LRP6: variants seen among roughly 807,000 people sequenced by gnomAD.
LRP6 encodes the protein LDL receptor related protein 6.
In LRP6, 43 loss-of-function variants were observed where a neutral mutation model predicts 184.1. The observed-to-expected ratio is 0.23, with a 90% CI of 0.18 to 0.30. The LOEUF is 0.30. Among genes scored for constraint, LRP6 ranks in the 10% least tolerant of loss-of-function variants. The probability of loss-of-function intolerance (pLI) is 1.00; values close to 1 mark genes in which losing one functional copy is unlikely to be tolerated. For missense variants in LRP6, 1,571 were observed against 2,005.3 expected (o/e 0.78, Z 4.14); for synonymous variants, 719 against 684.9 (o/e 1.05, Z -0.78).
chr12:12,141,912 T>G (rs774925699), intron 15 of LRP6, among the ~76,000 whole-genome samples: 26 of 152,218 alleles, frequency 1.7e-4, no homozygotes, highest in Non-Finnish European at 3.2e-4. Context: ...TGCAAACTTG[T>G]GCCTCGAATT....
intron 20 of LRP6, among the ~76,000 whole-genome samples, chr12:12,125,670 C>A (rs1020232446): frequency 6.6e-6 from 1 of 152,132 alleles, no homozygotes; most frequent in African/African-American, 2.4e-5. Context: ...TAGCTCCCAC[C>A]TTCTCCCTCC....
chr12:12,205,325 CAAACAAAAAAAA>C (rs1451460472), intron 2 of LRP6, among the ~76,000 whole-genome samples: 120 of 26,240 alleles, frequency 4.6e-3, no homozygotes, highest in African/African-American at 0.01. Flanking sequence ...CTGTCTCAAA[CAAACAAAAAAAA>C]AAAAAAAAAA....
rs772100523 is a variant in LRP6 at position 12,138,524 on chromosome 12, C to A, written c.3408G>T (p.Arg1136=). Residue 1136 remains arginine, a synonymous_variant, in exon 16 of 23, where the codon CGG becomes CGT. Coordinates refer to ENST00000261349, the MANE Select transcript of LRP6 (RefSeq NM_002336.3). ...IESSDLSGAN[R]IVLEDSNILQ... is the part of the protein sequence containing the mutation. ...AGATATTGGAGTCTTCTAATACTAT[C>A]CGGTTAGCACCTTGGAAAAGGAGAA... The A allele has an allele frequency of 3.1e-6, 5 of 1,613,530 alleles. No individual in the cohort carries two copies. Among genetic ancestry groups the A allele is most frequent in the Non-Finnish European group, 2.5e-6 (3 of 1,179,516 alleles).
chr12:12,146,174 C>T (rs1481731385), intron 15 of LRP6, among the ~76,000 whole-genome samples: 2 of 152,116 alleles, frequency 1.3e-5, no homozygotes, highest in African/African-American at 4.8e-5. Flanking sequence ...TCAGCAAATA[C>T]CCTTATACAC....
intron 7 of LRP6, among the ~76,000 whole-genome samples, chr12:12,177,656 A>G (rs1863229089): frequency 6.6e-6 from 1 of 152,226 alleles, no homozygotes; most frequent in South Asian, 2.1e-4. Flanking sequence ...TGTAAATAAA[A>G]TGACAAAGGC....
At chr12:12,147,603 C>T (rs1173934296) in intron 14 of LRP6, 47 bp from the exon 15 acceptor site, 1 of 1,386,908 alleles carries the variant, frequency 7.2e-7, no homozygotes, top group Non-Finnish European at 1.0e-6. Flanking sequence ...TAAGAAACCA[C>T]ATAAAATGAG....
intron 9 of LRP6, among the ~76,000 whole-genome samples, chr12:12,163,172 T>C (rs1862782436): frequency 1.3e-5 from 2 of 151,940 alleles, no homozygotes; most frequent in African/African-American, 4.8e-5. Context: ...GACGGGGTTT[T>C]GTCATGTTGG....
rs1450506697 is a variant in LRP6 at position 12,233,706 on chromosome 12, C to G, written c.449+10556G>C. Among the ~76,000 whole-genome samples, 5 of 152,098 alleles carry G rather than the reference C, an allele frequency of 3.3e-5. No individual in the cohort carries two copies. The South Asian group carries it at 1.0e-3, about 32-fold the overall frequency. ...ACACAGATATCTGAGTATGAACAGA[C>G]TAATTTATAACATTAAAGAATTGTT... is the stretch of plus-strand genomic sequence containing the variant. On this transcript the variant is annotated intron_variant, in intron 2 of 22. Coordinates refer to ENST00000261349, the MANE Select transcript of LRP6 (RefSeq NM_002336.3).
At chr12:12,258,355 G>T (rs1249818405) in intron 1 of LRP6, among the ~76,000 whole-genome samples, 1 of 152,066 alleles carries the variant, frequency 6.6e-6, no homozygotes, top group African/African-American at 2.4e-5. Context: ...TCTCGCCTTG[G>T]CCTCCTAAAG....
intron 8 of LRP6, 121 bp downstream of exon 8, chr12:12,164,958 C>T (rs878904239): frequency 5.5e-4 from 125 of 225,490 alleles, no homozygotes; most frequent in African/African-American, 3.6e-3. Context: ...AAAAAAAAGG[C>T]GGGGGGGCAG....
At chr12:12,171,447 G>A (rs569329058) in intron 7 of LRP6, among the ~76,000 whole-genome samples, 8 of 152,074 alleles carry the variant, frequency 5.3e-5, no homozygotes, top group South Asian at 2.1e-4. Context: ...GCGTGAACCC[G>A]GGAGGTGGAG....
chr12:12,215,935 C>A (rs1864332513), intron 2 of LRP6, among the ~76,000 whole-genome samples: 1 of 151,914 alleles, frequency 6.6e-6, no homozygotes. Context: ...TCACTTGAAC[C>A]CACAAGGCAG....
At chr12:12,148,311 T>A (rs1950037269) in intron 14 of LRP6, among the ~76,000 whole-genome samples, 1 of 152,070 alleles carries the variant, frequency 6.6e-6, no homozygotes, top group Non-Finnish European at 1.5e-5. Flanking sequence ...TTAATCTATT[T>A]AATAACTAAA....
chr12:12,195,864 G>T (rs1292299602), intron 3 of LRP6, among the ~76,000 whole-genome samples: 6 of 152,084 alleles, frequency 3.9e-5, no homozygotes, highest in Non-Finnish European at 7.4e-5. Context: ...GTTGATTTTT[G>T]TATAAGGTGA....
At position 12,132,073 on chromosome 12, in the gene LRP6, G is replaced by A; in HGVS notation, c.3734-16C>T. 1 of 1,556,422 alleles carries A rather than the reference G, an allele frequency of 6.4e-7. No individual in the cohort carries two copies. Among genetic ancestry groups the A allele is most frequent in the Non-Finnish European group, 8.9e-7 (1 of 1,127,554 alleles). On this transcript the variant is annotated splice_polypyrimidine_tract_variant and intron_variant, in intron 17 of 22. Transcript: ENST00000261349. ...GTTGGAGGTTCTTCAAATGAACAAG[G>A]AGAAGGGGAGTGACAAAAACACAAT...
At position 12,266,773 on chromosome 12, in the gene LRP6, GT is replaced by G; in HGVS notation, c.-39del. On this transcript the variant is annotated 5_prime_UTR_variant, in exon 1 of 23. It removes the in-frame stop codon of an upstream open reading frame in the 5' UTR. Transcript: ENST00000261349. ...CGTTCTCTTCTCTCACCGGCGAGGGGTGGCCAGAAGTGGGGGAGGCGAGGAG... is the reference window on the plus strand; with the variant it reads ...CGTTCTCTTCTCTCACCGGCGAGGGGGGCCAGAAGTGGGGGAGGCGAGGAG... The G allele has an allele frequency of 6.4e-7, 1 of 1,569,908 alleles. No homozygotes were observed. Among genetic ancestry groups the G allele is most frequent in the Non-Finnish European group, 8.7e-7 (1 of 1,148,126 alleles).
chr12:12,167,093 A>G (rs1862898519), intron 7 of LRP6, among the ~76,000 whole-genome samples: 1 of 152,210 alleles, frequency 6.6e-6, no homozygotes, highest in Non-Finnish European at 1.5e-5. Flanking sequence ...CAGCCTAGGA[A>G]AAAAATCTTT....
rs759497693 is a variant in LRP6, at chr12:12,147,572, G to GA, written c.3207-17dup. 73 of 1,598,954 alleles carry GA rather than the reference G, an allele frequency of 4.6e-5. No individual in the cohort carries two copies. In the African/African-American group the frequency reaches 8.2e-4, roughly 18 times the overall value. ...ATACATATACCTAGAGGGAAAGGAGGAAAAAAATAAGTTACTGGAGTAAGA... is the reference window on the plus strand; with the variant it reads ...ATACATATACCTAGAGGGAAAGGAGGAAAAAAAATAAGTTACTGGAGTAAGA... On this transcript the variant is annotated splice_polypyrimidine_tract_variant and intron_variant, in intron 14 of 22. Transcript: ENST00000261349.
chr12:12,120,889 A>G lies in LRP6; in HGVS notation c.*237T>C. 2 of 379,722 alleles carry G rather than the reference A, an allele frequency of 5.3e-6. No homozygotes were observed. Among genetic ancestry groups the G allele is most frequent in the Non-Finnish European group, 4.7e-6 (1 of 215,024 alleles). 23.5% of individuals were successfully genotyped at this position (379,722 alleles called of 1,614,324 possible). The stretch of plus-strand genomic sequence containing the variant: ...TTGCAAAAATAAAACTTTTAGTACA[A>G]ATTTTTTTTATACAAACTTTTATGG... On this transcript the variant is annotated 3_prime_UTR_variant, in exon 23 of 23. Coordinates refer to ENST00000261349, the MANE Select transcript of LRP6 (RefSeq NM_002336.3).
Sources: gnomAD v4.1 joint callset for allele counts (sites outside exome capture counted in the v4.1 genomes callset) on GRCh38, gnomAD v4.1.1 for gene constraint, MANE v1.5 for transcripts, NCBI Gene and HGNC (gene_info 2026-07-23, HGNC 2026-07-21) for gene names.